The following TNN variants were observed in gnomAD, a reference collection of about 807,000 sequenced individuals.
TNN encodes the protein tenascin-N.
Under a neutral mutation model 134.4 loss-of-function variants are expected in TNN, and 122 were observed. The observed-to-expected ratio is 0.91, with a 90% CI of 0.78 to 1.06. The LOEUF (loss-of-function observed/expected upper bound fraction) is 1.06. Among genes scored for constraint, TNN ranks in the 50% least tolerant of loss-of-function variants. The pLI, the probability that TNN is intolerant of heterozygous loss-of-function variation, is 0.00. For missense variants in TNN, 1,739 were observed against 1,699.4 expected (o/e 1.02, Z -0.41); for synonymous variants, 710 against 670.3 (o/e 1.06, Z -0.91).
intron 15 of TNN, among the ~76,000 whole-genome samples, chr1:175,134,521 G>C (rs958545586): frequency 6.9e-6 from 1 of 145,692 alleles, no homozygotes; most frequent in African/African-American, 2.6e-5. Flanking sequence ...CTCCAGCCTG[G>C]GCAACAGAGT....
At chr1:175,132,222 G>T (rs1675693872) in intron 15 of TNN, among the ~76,000 whole-genome samples, 1 of 152,148 alleles carries the variant, frequency 6.6e-6, no homozygotes, top group South Asian at 2.1e-4. Context: ...CAGAGTCTTT[G>T]AAAATTCGAT....
chr1:175,079,715 C>G lies in TNN; in HGVS notation c.784+8C>G. ...GCCTGGACTGTGCCCAGGGTGAGAG[C>G]GGAGATGTGCCCTCGGGCCGCCGGA... On this transcript the variant is annotated splice_region_variant and intron_variant, in intron 3 of 18. Coordinates refer to ENST00000239462, the MANE Select transcript of TNN (RefSeq NM_022093.2). 1 of 1,571,722 alleles carries G rather than the reference C, an allele frequency of 6.4e-7. No homozygotes were observed. The highest frequency in any genetic ancestry group is 1.7e-4 in the Middle Eastern group (1 of 5,870).
chr1:175,117,834 A>G (rs1675223983), intron 10 of TNN, among the ~76,000 whole-genome samples: 1 of 152,214 alleles, frequency 6.6e-6, no homozygotes, highest in Non-Finnish European at 1.5e-5. Flanking sequence ...CTTGTTGAAT[A>G]GCAGAGTGTA....
intron 12 of TNN, among the ~76,000 whole-genome samples, chr1:175,126,578 A>G (rs1574171574): frequency 1.3e-5 from 2 of 152,246 alleles, no homozygotes; most frequent in East Asian, 1.9e-4. Context: ...TTCTTTGTGC[A>G]TGGCCCTTTC....
intron 1 of TNN, among the ~76,000 whole-genome samples, chr1:175,068,817 A>G (rs957275738): frequency 2.6e-5 from 4 of 152,230 alleles, no homozygotes; most frequent in Non-Finnish European, 5.9e-5. Context: ...CTGAGGCAGG[A>G]GAATTGCTTG....
rs1483103440 is a variant in TNN, at chr1:175,097,658, G to C, written c.1830G>C (p.Lys610Asn). The C allele has an allele frequency of 5.0e-6, 8 of 1,614,218 alleles. No homozygotes were observed. Among genetic ancestry groups the C allele is most frequent in the Non-Finnish European group, 5.9e-6 (7 of 1,180,034 alleles). The change falls in exon 8 of 19, where the codon AAG (lysine) becomes AAC (asparagine). Residue 610 changes from lysine (K) to asparagine (N), a missense_variant. Transcript: ENST00000239462. ...VWAQKGDRES[K>N]KADTNAPTDI... is the part of the protein sequence containing the mutation. ...CCCAGAAGGGGGACCGAGAGAGCAA[G>C]AAGGCTGACACCAACGCCCCGACAG...
At chr1:175,095,669 G>T (rs1195688981) in intron 7 of TNN, among the ~76,000 whole-genome samples, 1 of 152,166 alleles carries the variant, frequency 6.6e-6, no homozygotes, top group Non-Finnish European at 1.5e-5. Flanking sequence ...CATCTCCCGG[G>T]TTCAAGCGAT....
At chr1:175,127,189 C>T in intron 13 of TNN, 104 bp downstream of exon 13, 1 of 1,388,420 alleles carries the variant, frequency 7.2e-7, no homozygotes, top group Non-Finnish European at 9.8e-7. Context: ...ACTTGCTGAT[C>T]TTTACTGATC....
At chr1:175,129,529 T>A (rs1042083920) in intron 15 of TNN, among the ~76,000 whole-genome samples, 3 of 151,190 alleles carry the variant, frequency 2.0e-5, no homozygotes, top group African/African-American at 4.9e-5. Flanking sequence ...TGTGAGTTGA[T>A]CATCATCTAG....
chr1:175,087,918 T>C (rs988547342), intron 6 of TNN, among the ~76,000 whole-genome samples: 1 of 152,164 alleles, frequency 6.6e-6, no homozygotes, highest in Non-Finnish European at 1.5e-5. Flanking sequence ...TTTACTTACG[T>C]TTACCTATTT....
intron 12 of TNN, 105 bp downstream of exon 12, chr1:175,123,768 G>A (rs550603623): frequency 2.6e-6 from 4 of 1,526,658 alleles, no homozygotes; most frequent in Admixed American, 4.5e-5. Flanking sequence ...TGCTTTACCC[G>A]AGGACATTCT....
intron 1 of TNN, among the ~76,000 whole-genome samples, chr1:175,074,665 T>A (rs1308552621): frequency 1.3e-5 from 2 of 152,096 alleles, no homozygotes; most frequent in African/African-American, 4.8e-5. Context: ...CAACAATACA[T>A]GCTTTTGGTG....
In TNN at chr1:175,146,929, A is replaced by AG; in HGVS notation, c.3763dup. ...ATGTGGCTTTTTTTTTTTTTTTGGTAGGGGGTGAACTGGGAGCCTTGGAAA... is the reference window on the plus strand; with the variant it reads ...ATGTGGCTTTTTTTTTTTTTTTGGTAGGGGGGTGAACTGGGAGCCTTGGAAA... On this transcript the variant is annotated splice_acceptor_variant, in intron 18 of 18. Transcript: ENST00000239462. LOFTEE classifies it high-confidence loss of function. The AG allele has an allele frequency of 8.3e-7, 1 of 1,209,696 alleles. No individual in the cohort carries two copies. The highest frequency in any genetic ancestry group is 1.1e-6 in the Non-Finnish European group (1 of 937,684). 74.9% of individuals were successfully genotyped at this position (1,209,696 alleles called of 1,614,324 possible).
At chr1:175,078,765 T>C (rs1674114754) in intron 2 of TNN, among the ~76,000 whole-genome samples, 1 of 152,198 alleles carries the variant, frequency 6.6e-6, no homozygotes, top group Non-Finnish European at 1.5e-5. Flanking sequence ...GAGGGGAGCC[T>C]GGTTAAATCC....
At chr1:175,126,224 C>T (rs1675525982) in intron 12 of TNN, among the ~76,000 whole-genome samples, 1 of 150,602 alleles carries the variant, frequency 6.6e-6, no homozygotes, top group Admixed American at 6.6e-5. Context: ...GCCTCAGCCT[C>T]CCGAGTAGCT....
chr1:175,136,051 G>T (rs1675801371), intron 16 of TNN, 110 bp downstream of exon 16: 6 of 770,482 alleles, frequency 7.8e-6, no homozygotes, highest in Non-Finnish European at 1.4e-5. Flanking sequence ...GGCCCCAGTG[G>T]CAGGGAGACA....
intron 15 of TNN, among the ~76,000 whole-genome samples, chr1:175,129,148 G>A (rs1267507973): frequency 6.6e-6 from 1 of 152,114 alleles, no homozygotes; most frequent in African/African-American, 2.4e-5. Flanking sequence ...GAGGGGATGT[G>A]CTCTATTACA....
At chr1:175,099,705 A>G (rs1049521747) in intron 9 of TNN, among the ~76,000 whole-genome samples, 6 of 152,050 alleles carry the variant, frequency 3.9e-5, no homozygotes, top group African/African-American at 1.4e-4. Context: ...CCCAGGGGTT[A>G]GGGAGGAGGG....
chr1:175,113,918 A>G (rs184864415), intron 9 of TNN, among the ~76,000 whole-genome samples: 5 of 152,038 alleles, frequency 3.3e-5, no homozygotes, highest in East Asian at 1.9e-4. Context: ...TGTGATATCT[A>G]TCTCTTCACT....
Sources: gnomAD v4.1 joint callset for allele counts (sites outside exome capture counted in the v4.1 genomes callset) on GRCh38, gnomAD v4.1.1 for gene constraint, MANE v1.5 for transcripts, NCBI Gene and HGNC (gene_info 2026-07-23, HGNC 2026-07-21) for gene names.